AUTS2: variants seen among roughly 807,000 people sequenced by gnomAD.
AUTS2 encodes autism susceptibility gene 2 protein.
Under a neutral mutation model 112.4 loss-of-function variants are expected in AUTS2, and 17 were observed. The observed-to-expected ratio is 0.15, with a 90% CI of 0.10 to 0.23. AUTS2 has a LOEUF of 0.23. AUTS2 is among the 10% of genes least tolerant of loss of function. The pLI, the probability that AUTS2 is intolerant of heterozygous loss-of-function variation, is 1.00. For missense variants in AUTS2, 1,510 were observed against 1,701.6 expected, an observed-to-expected ratio of 0.89 and a Z score of 1.98; for synonymous variants, 751 against 702.7, an observed-to-expected ratio of 1.07 and a Z score of -1.09.
In AUTS2 at chr7:70,239,925, A is replaced by G. The variant is rs115879940; in HGVS notation, c.660+105354A>G. On this transcript the variant is annotated intron_variant, in intron 4 of 18. Coordinates refer to ENST00000342771, the MANE Select transcript of AUTS2 (RefSeq NM_015570.4). ...GATCGGGAAAGTACGGCATAAGCAC[A>G]TGAATATTTAGAGGTCCTGTGGTTT... Among the ~76,000 whole-genome samples, 935 of 152,326 alleles carry G rather than the reference A, an allele frequency of 6.1e-3. 9 individuals carry two copies. The highest frequency in any genetic ancestry group is 0.016 in the East Asian group (84 of 5,192).
At chr7:70,355,450 C>G (rs984121175) in intron 4 of AUTS2, among the ~76,000 whole-genome samples, 1 of 151,974 alleles carries the variant, frequency 6.6e-6, no homozygotes, top group Non-Finnish European at 1.5e-5. Flanking sequence ...TTACGGCGAC[C>G]CCCTCAAATG....
At chr7:70,116,075 A>G (rs932058991) in intron 2 of AUTS2, among the ~76,000 whole-genome samples, 5 of 152,238 alleles carry the variant, frequency 3.3e-5, no homozygotes, top group African/African-American at 1.2e-4. Flanking sequence ...GAGAATGACA[A>G]TATTCTGAGC....
chr7:70,224,186 G>A (rs905613572), intron 4 of AUTS2, among the ~76,000 whole-genome samples: 1 of 152,034 alleles, frequency 6.6e-6, no homozygotes, highest in Non-Finnish European at 1.5e-5. Flanking sequence ...ATGATGGTGT[G>A]TGCCTGTAGA....
At chr7:70,094,895 TAGG>T (rs567526557) in intron 2 of AUTS2, among the ~76,000 whole-genome samples, 1 of 152,106 alleles carries the variant, frequency 6.6e-6, no homozygotes, top group South Asian at 2.1e-4. Context: ...GGGAGAAGCT[TAGG>T]AGTCTGTAAG....
At position 70,790,068 on chromosome 7, in the gene AUTS2, G is replaced by T. The variant is rs1791798056; in HGVS notation, c.2852G>T (p.Ser951Ile). The change falls in exon 19 of 19, where the codon AGT (serine) becomes ATT (isoleucine). Residue 951 changes from serine to isoleucine, a missense_variant. Around this residue, in one of 3 missense-constraint regions of AUTS2, gnomAD observed 788 missense variants for 797.6 expected, o/e 0.99. Transcript: ENST00000342771. The surrounding 1 kb of genome is among the most constrained non-coding windows in gnomAD (Gnocchi z 7.6). The part of the protein sequence containing the change: ...SPYVRTPVVE[S>I]ARPNSTSSRE... ...TACGTGCGGACCCCGGTGGTGGAGA[G>T]TGCCAGGCCCAACAGCACCTCGAGC... is the stretch of plus-strand genomic sequence containing the variant. 6.3e-7 allele frequency: 1 copy of T among 1,577,526 alleles called. No individual in the cohort carries two copies. The highest frequency in any genetic ancestry group is 8.6e-7 in the Non-Finnish European group (1 of 1,163,694).
At chr7:70,690,809 A>C (rs900037889) in intron 5 of AUTS2, among the ~76,000 whole-genome samples, 1 of 152,126 alleles carries the variant, frequency 6.6e-6, no homozygotes, top group Non-Finnish European at 1.5e-5. Context: ...CAAAAAATAA[A>C]AATTAGTTGG....
chr7:70,413,605 T>C (rs2130513752), intron 4 of AUTS2, among the ~76,000 whole-genome samples: 1 of 152,336 alleles, frequency 6.6e-6, no homozygotes, highest in South Asian at 2.1e-4. Flanking sequence ...CCGCAATGTC[T>C]TCTTATCTTC....
chr7:70,648,589 C>T (rs930562655), intron 5 of AUTS2, among the ~76,000 whole-genome samples: 2 of 151,958 alleles, frequency 1.3e-5, no homozygotes, highest in Admixed American at 6.6e-5. Context: ...TGTTTTGTTT[C>T]GTTTTGTTTT....
chr7:70,206,659 T>C (rs1359072197), intron 4 of AUTS2, among the ~76,000 whole-genome samples: 1 of 152,196 alleles, frequency 6.6e-6, no homozygotes, highest in Non-Finnish European at 1.5e-5. Context: ...CTGCCATGTA[T>C]TGGCAGTCTT....
At chr7:70,687,526 G>A (rs2129545951) in intron 5 of AUTS2, among the ~76,000 whole-genome samples, 1 of 152,238 alleles carries the variant, frequency 6.6e-6, no homozygotes, top group East Asian at 1.9e-4. Flanking sequence ...AAGTTTGAAA[G>A]TAAAATTCCT....
chr7:70,672,130 C>T lies in AUTS2; in HGVS notation c.691-26439C>T, dbSNP rs201396758. Among the ~76,000 whole-genome samples, 6 of 152,112 alleles carry T rather than the reference C, an allele frequency of 3.9e-5. No homozygotes were observed. In the East Asian group the frequency reaches 5.8e-4, roughly 15 times the overall value. On this transcript the variant is annotated intron_variant, in intron 5 of 18. Coordinates refer to ENST00000342771, the MANE Select transcript of AUTS2 (RefSeq NM_015570.4). ...TGTAGATTGTTGATTTTTAAAGTGC[C>T]AATGGACAATCAGTGCCACACTCCA...
intron 5 of AUTS2, among the ~76,000 whole-genome samples, chr7:70,689,795 A>T (rs1808664413): frequency 6.6e-6 from 1 of 151,634 alleles, no homozygotes; most frequent in Non-Finnish European, 1.5e-5. Flanking sequence ...AAAAAAAAAA[A>T]AAAGATGTCG....
intron 2 of AUTS2, among the ~76,000 whole-genome samples, chr7:69,991,463 A>C (rs1280195512): frequency 6.6e-6 from 1 of 152,150 alleles, no homozygotes; most frequent in African/African-American, 2.4e-5. Flanking sequence ...CATCTGAGGA[A>C]AACAAGAATG....
intron 1 of AUTS2, among the ~76,000 whole-genome samples, chr7:69,617,946 C>T (rs1002112926): frequency 1.3e-5 from 2 of 152,186 alleles, no homozygotes; most frequent in African/African-American, 4.8e-5. Context: ...CACAATGGCT[C>T]ATGTTTATCA....
At chr7:70,221,391 C>T (rs994281285) in intron 4 of AUTS2, among the ~76,000 whole-genome samples, 11 of 152,240 alleles carry the variant, frequency 7.2e-5, no homozygotes, top group East Asian at 5.8e-4. Flanking sequence ...TACAATTAAT[C>T]GTACCAACAT....
chr7:70,120,826 T>G (rs751414570), intron 3 of AUTS2, among the ~76,000 whole-genome samples: 11 of 152,208 alleles, frequency 7.2e-5, no homozygotes, highest in Non-Finnish European at 1.5e-4. Context: ...CAACAATCTT[T>G]TTTTGCAAAA....
At chr7:69,645,959 C>T (rs76597796) in intron 1 of AUTS2, among the ~76,000 whole-genome samples, 1 of 150,932 alleles carries the variant, frequency 6.6e-6, no homozygotes, top group Admixed American at 6.6e-5. Flanking sequence ...TCAGCTGAAA[C>T]GGTCTGGATT....
rs138190447 is a variant in AUTS2 at position 70,792,418 on chromosome 7, A to G, written c.*1422A>G. 292 of 152,498 alleles carry G rather than the reference A, an allele frequency of 1.9e-3. No homozygotes were observed. Among genetic ancestry groups the G allele is most frequent in the Non-Finnish European group, 3.3e-3 (227 of 67,974 alleles). The allele number at this position is 152,498 out of a possible 1,614,324, so 9.4% of individuals were successfully genotyped here. A position where few individuals can be genotyped will look rare whatever the true frequency, so the allele number is the denominator to read the frequency against. On this transcript the variant is annotated 3_prime_UTR_variant, in exon 19 of 19. Transcript: ENST00000342771. ...TACTGGACTGTAAAATATATGTATG[A>G]AATAAAATTAGTTCCATTTGGTCTT...
At chr7:69,933,896 A>G (rs1027055221) in intron 2 of AUTS2, among the ~76,000 whole-genome samples, 4 of 152,210 alleles carry the variant, frequency 2.6e-5, no homozygotes, top group Non-Finnish European at 5.9e-5. Flanking sequence ...TAGGATGACA[A>G]TAGTCACAAA....
Sources: gnomAD v4.1 joint callset for allele counts (sites outside exome capture counted in the v4.1 genomes callset) on GRCh38, gnomAD v4.1.1 for gene constraint, gnomAD v4.1.1 regional missense constraint, Gnocchi (gnomAD v3.1) non-coding constraint, MANE v1.5 for transcripts, NCBI Gene and HGNC (gene_info 2026-07-23, HGNC 2026-07-21) for gene names.